Variants in ATRNL1 observed in about 807,000 individuals in gnomAD.
The protein encoded by ATRNL1 is attractin-like protein 1.
ATRNL1 carries 95 observed loss-of-function variants against 182.7 expected under a neutral mutation model. The observed-to-expected ratio is 0.52, with a 90% CI of 0.44 to 0.62. The LOEUF (loss-of-function observed/expected upper bound fraction) is 0.62, where lower values mean the gene tolerates loss of function less well. Ranked by LOEUF, ATRNL1 falls within the 20% of genes least tolerant of loss-of-function variation. The probability of loss-of-function intolerance (pLI) is 0.00; values close to 1 mark genes in which losing one functional copy is unlikely to be tolerated. For missense variants in ATRNL1, 1,471 were observed against 1,679.5 expected, an observed-to-expected ratio of 0.88 and a Z score of 2.17; for synonymous variants, 576 against 568.3, an observed-to-expected ratio of 1.01 and a Z score of -0.19.
chr10:115,306,363 A>T (rs1038679375), intron 17 of ATRNL1, among the ~76,000 whole-genome samples: 6 of 152,162 alleles, frequency 3.9e-5, no homozygotes, highest in Admixed American at 6.5e-5. Flanking sequence ...TGTGGATAAG[A>T]ATTCCAATGC....
In ATRNL1 at chr10:115,852,521, G is replaced by A. The variant is rs568536643; in HGVS notation, c.4018+4530G>A. 2.6e-5 allele frequency among the ~76,000 whole-genome samples: 4 copies of A among 152,258 alleles called. No individual in the cohort carries two copies. The East Asian group carries it at 7.8e-4, about 30-fold the overall frequency. On this transcript the variant is annotated intron_variant, in intron 28 of 28. Transcript: ENST00000355044. Reference sequence around the variant, plus strand: ...TTGGTGTGACCCTCTTAATGATTCTGTGGAGATGATTATCCCACTTTTACT... The same window carrying A: ...TTGGTGTGACCCTCTTAATGATTCTATGGAGATGATTATCCCACTTTTACT...
chr10:115,621,012 G>A (rs1857706566), intron 26 of ATRNL1, among the ~76,000 whole-genome samples: 1 of 151,282 alleles, frequency 6.6e-6, no homozygotes, highest in Non-Finnish European at 1.5e-5. Flanking sequence ...TTGTCGCCTT[G>A]TATCATTGGA....
chr10:115,133,726 C>T lies in ATRNL1; in HGVS notation c.829+4191C>T, dbSNP rs187203116. On this transcript the variant is annotated intron_variant, in intron 5 of 28. Coordinates refer to ENST00000355044, the MANE Select transcript of ATRNL1 (RefSeq NM_207303.4). The stretch of plus-strand genomic sequence containing the variant: ...TAGACATCTACAGAACTCTCCACCC[C>T]AATTCGACAGAAGATACATTCTTCT... 3.6e-3 allele frequency among the ~76,000 whole-genome samples: 545 copies of T among 152,278 alleles called. 2 individuals carry two copies. The highest frequency in any genetic ancestry group is 0.013 in the African/African-American group (526 of 41,538).
Position 115,552,931 on chromosome 10 carries a change from T to C in ATRNL1, c.3795+3395T>C, listed in dbSNP as rs1592840696. On this transcript the variant is annotated intron_variant, in intron 26 of 28. Coordinates refer to ENST00000355044, the MANE Select transcript of ATRNL1 (RefSeq NM_207303.4). ...GAATTCATTTATATAGCTTGTCCTT[T>C]TTACAGCGGTATTAAAAACATTTAG... is the stretch of plus-strand genomic sequence containing the variant. 2.6e-5 allele frequency among the ~76,000 whole-genome samples: 4 copies of C among 151,510 alleles called. No homozygotes were observed. In the South Asian group the frequency reaches 8.3e-4, roughly 31 times the overall value.
At chr10:115,109,195 T>G (rs1198438572) in intron 1 of ATRNL1, among the ~76,000 whole-genome samples, 3 of 152,190 alleles carry the variant, frequency 2.0e-5, no homozygotes, top group Admixed American at 2.0e-4. Context: ...CTCTACTTAT[T>G]GCTGAGTTTC....
intron 27 of ATRNL1, among the ~76,000 whole-genome samples, chr10:115,847,453 A>G (rs1013550479): frequency 6.6e-6 from 1 of 152,118 alleles, no homozygotes; most frequent in Non-Finnish European, 1.5e-5. Flanking sequence ...ATGTATATGT[A>G]TATGTATCTG....
At position 115,410,078 on chromosome 10, in the gene ATRNL1, A is replaced by C. The variant is rs568072132; in HGVS notation, c.3269+15326A>C. Among the ~76,000 whole-genome samples the C allele has an allele frequency of 7.3e-4, 111 of 152,170 alleles. 3 individuals carry two copies. The South Asian group carries it at 0.022, about 31-fold the overall frequency. Reference sequence around the variant, plus strand: ...TCCTTACATTCCAGGGATAAACCCCACTTGATCTTAGTGTATTATCTTTTT... The same window carrying C: ...TCCTTACATTCCAGGGATAAACCCCCCTTGATCTTAGTGTATTATCTTTTT... On this transcript the variant is annotated intron_variant, in intron 20 of 28. Coordinates refer to ENST00000355044, the MANE Select transcript of ATRNL1 (RefSeq NM_207303.4).
chr10:115,796,740 C>A (rs1459021079), intron 27 of ATRNL1, among the ~76,000 whole-genome samples: 1 of 152,128 alleles, frequency 6.6e-6, no homozygotes, highest in African/African-American at 2.4e-5. Flanking sequence ...AGTTGTCCTC[C>A]AAAGAGGATC....
At chr10:115,507,442 A>T (rs1232007975) in intron 24 of ATRNL1, among the ~76,000 whole-genome samples, 1 of 152,064 alleles carries the variant, frequency 6.6e-6, no homozygotes, top group Admixed American at 6.6e-5. Context: ...AAATATTATA[A>T]AGTCACATGA....
chr10:115,892,878 C>T (rs570642659), intron 28 of ATRNL1, among the ~76,000 whole-genome samples: 4 of 152,084 alleles, frequency 2.6e-5, no homozygotes, highest in Non-Finnish European at 5.9e-5. Flanking sequence ...TTAAATGTTC[C>T]ATAAGTTGAT....
At chr10:115,381,432 A>ATTTTTTTTCTTTTTTTTT (rs1857993237) in intron 19 of ATRNL1, among the ~76,000 whole-genome samples, 1 of 68,550 alleles carries the variant, frequency 1.5e-5, no homozygotes, top group Non-Finnish European at 3.0e-5. Context: ...ATACCTGGCA[A>ATTTTTTTTCTTTTTTTTT]TTTTTTTTTT....
At chr10:115,531,446 A>C (rs1851575724) in intron 25 of ATRNL1, among the ~76,000 whole-genome samples, 1 of 152,144 alleles carries the variant, frequency 6.6e-6, no homozygotes, top group Admixed American at 6.5e-5. Flanking sequence ...GTGTCTGTTC[A>C]TACCCTTTGG....
intron 5 of ATRNL1, among the ~76,000 whole-genome samples, chr10:115,159,219 TTA>T (rs1846664598): frequency 6.6e-6 from 1 of 151,470 alleles, no homozygotes; most frequent in South Asian, 2.1e-4. Flanking sequence ...ACATAGGAGT[TTA>T]TGTCTAGTAT....
At chr10:115,871,344 CT>C (rs34110588) in intron 28 of ATRNL1, among the ~76,000 whole-genome samples, 591 of 141,428 alleles carry the variant, frequency 4.2e-3, no homozygotes, top group Middle Eastern at 7.3e-3. Flanking sequence ...CCTTTTAGGA[CT>C]TTTTTTTTTT....
At chr10:115,321,871 G>A (rs1282437520) in intron 18 of ATRNL1, among the ~76,000 whole-genome samples, 1 of 151,946 alleles carries the variant, frequency 6.6e-6, no homozygotes, top group Non-Finnish European at 1.5e-5. Flanking sequence ...AAAGCATAAA[G>A]ATTCTATCAA....
chr10:115,852,613 G>A (rs1555100813), intron 28 of ATRNL1, among the ~76,000 whole-genome samples: 1 of 152,138 alleles, frequency 6.6e-6, no homozygotes, highest in East Asian at 1.9e-4. Flanking sequence ...TAGTGAGTGA[G>A]TGAGCCAGAA....
At chr10:115,483,685 G>A (rs1368974505) in intron 24 of ATRNL1, among the ~76,000 whole-genome samples, 1 of 151,420 alleles carries the variant, frequency 6.6e-6, no homozygotes, top group Non-Finnish European at 1.5e-5. Context: ...ATATGTATAT[G>A]TTGTTTTAAT....
chr10:115,265,337 T>C lies in ATRNL1; in HGVS notation c.1772+60T>C, dbSNP rs1420411943. 3 of 1,016,446 alleles carry C rather than the reference T, an allele frequency of 3.0e-6. No individual in the cohort carries two copies. In the Admixed American group the frequency reaches 6.8e-5, roughly 23 times the overall value. 63.0% of individuals were successfully genotyped at this position (1,016,446 alleles called of 1,614,324 possible). A position where few individuals can be genotyped will look rare whatever the true frequency, so the allele number is the denominator to read the frequency against. The stretch of plus-strand genomic sequence containing the variant: ...ACTTATATCAGTCATACTATCCTCA[T>C]ATTCTGGTATTCTTTTTGAAAATTA... On this transcript the variant is annotated intron_variant, in intron 11 of 28. Transcript: ENST00000355044.
At chr10:115,840,472 T>C (rs782792059) in intron 27 of ATRNL1, among the ~76,000 whole-genome samples, 40 of 152,268 alleles carry the variant, frequency 2.6e-4, no homozygotes, top group South Asian at 1.0e-3. Context: ...CTATACTTCA[T>C]GTATATATAT....
Sources: gnomAD v4.1 joint callset for allele counts (sites outside exome capture counted in the v4.1 genomes callset) on GRCh38, gnomAD v4.1.1 for gene constraint, MANE v1.5 for transcripts, NCBI Gene and HGNC (gene_info 2026-07-23, HGNC 2026-07-21) for gene names.